The following C20orf202 variants were observed in gnomAD, a reference collection of about 807,000 sequenced individuals.
C20orf202 encodes the protein chromosome 20 open reading frame 202, also known as uncharacterized protein C20orf202.
In C20orf202, 5 loss-of-function variants were observed where a neutral mutation model predicts 5.3. The observed-to-expected ratio is 0.94, with a 90% CI of 0.49 to 1.98. The LOEUF is 1.98. Among genes scored for constraint, C20orf202 ranks in the 30% most tolerant of loss-of-function variants. C20orf202 has a pLI of 0.01. For missense variants in C20orf202, 135 were observed against 123.5 expected (o/e 1.09, Z -0.44); for synonymous variants, 48 against 50.0 (o/e 0.96, Z 0.16).
Position 1,203,471 on chromosome 20 carries a change from C to A in C20orf202, c.-115C>A. ...TTCCTGCTCTCATTAACTCCATCTT[C>A]AGTGATTTGGCCAGAACCTGCTGCC... is the stretch of plus-strand genomic sequence containing the variant. On this transcript the variant is annotated 5_prime_UTR_variant, in exon 1 of 2. Transcript: ENST00000400633. The A allele has an allele frequency of 6.7e-7, 1 of 1,489,532 alleles. No homozygotes were observed. The highest frequency in any genetic ancestry group is 8.9e-7 in the Non-Finnish European group (1 of 1,117,990). 92.3% of individuals were successfully genotyped at this position (1,489,532 alleles called of 1,614,324 possible). A position where few individuals can be genotyped will look rare whatever the true frequency, so the allele number is the denominator to read the frequency against.
chr20:1,205,943 C>G (rs1246272296), intron 1 of C20orf202, among the ~76,000 whole-genome samples: 1 of 151,994 alleles, frequency 6.6e-6, no homozygotes. Context: ...GTCCCAGCTA[C>G]TCGGGAGGCT....
Position 1,203,603 on chromosome 20 carries a change from G to A in C20orf202, c.18G>A (p.Glu6=). The change falls in exon 1 of 2, where the codon GAG becomes GAA. Residue 6 remains glutamate, a synonymous_variant. Transcript: ENST00000400633. MKIAE[E]PSPSLGQTLE... ...ACACTGAGATGAAAATAGCAGAAGAGCCCAGCCCGAGTCTTGGGCAGACCT... is the reference window on the plus strand; with the variant it reads ...ACACTGAGATGAAAATAGCAGAAGAACCCAGCCCGAGTCTTGGGCAGACCT... 6.4e-7 allele frequency: 1 copy of A among 1,551,582 alleles called. No homozygotes were observed.
chr20:1,207,108 C>T lies in C20orf202; in HGVS notation c.*6C>T, dbSNP rs80125338. On this transcript the variant is annotated 3_prime_UTR_variant, in exon 2 of 2. Transcript: ENST00000400633. The stretch of plus-strand genomic sequence containing the variant: ...GACGAAGCTCTCTCCCTTAACTGGA[C>T]GGAGATGACACTGGGCTTTAACACT... 5.5e-6 allele frequency: 8 copies of T among 1,464,812 alleles called. No individual in the cohort carries two copies. The African/African-American group carries it at 8.5e-5, about 15-fold the overall frequency. 90.7% of individuals were successfully genotyped at this position (1,464,812 alleles called of 1,614,324 possible).
At position 1,208,923 on chromosome 20, in the gene C20orf202, G is replaced by A. The variant is rs577755375; in HGVS notation, c.*1821G>A. ...CTCCTGTAAGTTTTAAAGTTTGATA[G>A]TTTCTGCCTCTTTTCTTTGTTCCCT... On this transcript the variant is annotated 3_prime_UTR_variant, in exon 2 of 2. Coordinates refer to ENST00000400633, the MANE Select transcript of C20orf202 (RefSeq NM_001394958.1). 6.6e-6 allele frequency among the ~76,000 whole-genome samples: 1 copy of A among 152,274 alleles called. No homozygotes were observed. Among genetic ancestry groups the A allele is most frequent in the Non-Finnish European group, 1.5e-5 (1 of 68,026 alleles).
chr20:1,203,788 AC>A, intron 1 of C20orf202, 137 bp downstream of exon 1: 2 of 962,554 alleles, frequency 2.1e-6, no homozygotes, highest in Non-Finnish European at 3.0e-6. Context: ...TCTGGGACCT[AC>A]CACACAATGC....
chr20:1,206,836 C>T (rs779964866), intron 1 of C20orf202, 33 bp from the exon 2 acceptor site: 28 of 1,396,390 alleles, frequency 2.0e-5, no homozygotes, highest in Middle Eastern at 2.6e-4. Flanking sequence ...CAGGGCTCCA[C>T]GCATCCCCTC....
chr20:1,205,546 A>C (rs1266069282), intron 1 of C20orf202, among the ~76,000 whole-genome samples: 1 of 152,218 alleles, frequency 6.6e-6, no homozygotes, highest in Non-Finnish European at 1.5e-5. Flanking sequence ...AATAATGTTC[A>C]TAAGTATCTC....
chr20:1,204,633 G>C (rs961793496), intron 1 of C20orf202, among the ~76,000 whole-genome samples: 1 of 152,226 alleles, frequency 6.6e-6, no homozygotes, highest in Admixed American at 6.5e-5. Flanking sequence ...CTCAGAAGAG[G>C]TTTGTTTCTC....
rs1278889021 is a variant in C20orf202, at chr20:1,203,647, A to G, written c.62A>G (p.Glu21Gly). The change falls in exon 1 of 2, where the codon GAG becomes GGG. Residue 21 changes from glutamate (E) to glycine (G), a missense_variant. Transcript: ENST00000400633. The stretch of plus-strand genomic sequence containing the variant: ...CAGACCTTGGAGTGGCTGAGAAAGG[A>G]GCTGGTAAGGTTTTGCATTGCTTTT... ...LGQTLEWLRK[E>G]LSEMQIQDQS... is the part of the protein sequence containing the mutation. 1.4e-5 allele frequency: 22 copies of G among 1,544,128 alleles called. No individual in the cohort carries two copies. Among genetic ancestry groups the G allele is most frequent in the Non-Finnish European group, 1.9e-5 (22 of 1,145,060 alleles).
rs2087138146 is a variant in C20orf202, at chr20:1,207,590, C to T, written c.*488C>T. On this transcript the variant is annotated 3_prime_UTR_variant, in exon 2 of 2. Transcript: ENST00000400633. ...TATTAGGCCCTGTAACCACCCTGGCCATAGGCATGGGTATATTACCAGGCC... is the reference window on the plus strand; with the variant it reads ...TATTAGGCCCTGTAACCACCCTGGCTATAGGCATGGGTATATTACCAGGCC... 1 of 152,434 alleles carries T rather than the reference C, an allele frequency of 6.6e-6. No homozygotes were observed. The highest frequency in any genetic ancestry group is 2.4e-5 in the African/African-American group (1 of 41,450). 9.4% of individuals were successfully genotyped at this position (152,434 alleles called of 1,614,324 possible).
In C20orf202 at chr20:1,203,538, C is replaced by T. The variant is rs973174047; in HGVS notation, c.-48C>T. On this transcript the variant is annotated 5_prime_UTR_variant, in exon 1 of 2. Transcript: ENST00000400633. ...GGGAATGTACAAGTCAAAGATCCCTCGGGCCCAGAACCAGGTCAGTGTCAA... is the reference window on the plus strand; with the variant it reads ...GGGAATGTACAAGTCAAAGATCCCTTGGGCCCAGAACCAGGTCAGTGTCAA... The T allele has an allele frequency of 3.5e-5, 55 of 1,549,944 alleles. No homozygotes were observed. Among genetic ancestry groups the T allele is most frequent in the Non-Finnish European group, 4.0e-5 (46 of 1,146,334 alleles).
intron 1 of C20orf202, among the ~76,000 whole-genome samples, chr20:1,205,530 T>C (rs1320421270): frequency 6.6e-6 from 1 of 152,122 alleles, no homozygotes; most frequent in African/African-American, 2.4e-5. Context: ...CTATTTTTAG[T>C]GGGGAAATAA....
rs185116681 is a variant in C20orf202, at chr20:1,207,096, C to G, written c.294C>G (p.Leu98=). The change falls in exon 2 of 2, where the codon CTC becomes CTG. Residue 98 remains leucine (L), a synonymous_variant. Coordinates refer to ENST00000400633, the MANE Select transcript of C20orf202 (RefSeq NM_001394958.1). ...LRGEDSRRSS[L]P Reference sequence around the variant, plus strand: ...GGGAAGACAGCAGACGAAGCTCTCTCCCTTAACTGGACGGAGATGACACTG... The same window carrying G: ...GGGAAGACAGCAGACGAAGCTCTCTGCCTTAACTGGACGGAGATGACACTG... 8.4e-4 allele frequency: 1,250 copies of G among 1,491,036 alleles called. 2 individuals are homozygous for G. Among genetic ancestry groups the G allele is most frequent in the Non-Finnish European group, 9.5e-4 (1,060 of 1,111,006 alleles). The allele number at this position is 1,491,036 out of a possible 1,614,324, so 92.4% of individuals were successfully genotyped here. A position where few individuals can be genotyped will look rare whatever the true frequency, so the allele number is the denominator to read the frequency against.
At position 1,207,557 on chromosome 20, in the gene C20orf202, T is replaced by C. The variant is rs1256245702; in HGVS notation, c.*455T>C. ...GGAAGCCTTCCCATTCCCCTTCATC[T>C]GATAACATATTAGGCCCTGTAACCA... On this transcript the variant is annotated 3_prime_UTR_variant, in exon 2 of 2. Transcript: ENST00000400633. 6.5e-6 allele frequency: 1 copy of C among 153,350 alleles called. No homozygotes were observed. The allele number at this position is 153,350 out of a possible 1,614,324, so 9.5% of individuals were successfully genotyped here.
chr20:1,206,009 C>T (rs1319910382), intron 1 of C20orf202, among the ~76,000 whole-genome samples: 3 of 151,762 alleles, frequency 2.0e-5, no homozygotes, highest in Non-Finnish European at 2.9e-5. Flanking sequence ...GCCGTTATTG[C>T]ACCACTGCAC....
rs932017153 is a variant in C20orf202, at chr20:1,207,622, A to G, written c.*520A>G. On this transcript the variant is annotated 3_prime_UTR_variant, in exon 2 of 2. Coordinates refer to ENST00000400633, the MANE Select transcript of C20orf202 (RefSeq NM_001394958.1). ...ATGGGTATATTACCAGGCCTGGCCA[A>G]TGATATAATTCATGGTTGCCCTAAA... 2 of 152,388 alleles carry G rather than the reference A, an allele frequency of 1.3e-5. No individual in the cohort carries two copies. Among genetic ancestry groups the G allele is most frequent in the Admixed American group, 6.5e-5 (1 of 15,302 alleles). 9.4% of individuals were successfully genotyped at this position (152,388 alleles called of 1,614,324 possible).
At position 1,208,300 on chromosome 20, in the gene C20orf202, T is replaced by C. The variant is rs1245322231; in HGVS notation, c.*1198T>C. 1 of 152,220 alleles carries C rather than the reference T, an allele frequency of 6.6e-6. No individual in the cohort carries two copies. The highest frequency in any genetic ancestry group is 1.5e-5 in the Non-Finnish European group (1 of 68,040). The allele number at this position is 152,220 out of a possible 1,614,324, so 9.4% of individuals were successfully genotyped here. A position where few individuals can be genotyped will look rare whatever the true frequency, so the allele number is the denominator to read the frequency against. On this transcript the variant is annotated 3_prime_UTR_variant, in exon 2 of 2. Coordinates refer to ENST00000400633, the MANE Select transcript of C20orf202 (RefSeq NM_001394958.1). ...GATGGTCTGATGATCGGTAGCCCTT[T>C]TTGTTTTTGAAAATCTACCTGTATG...
chr20:1,207,066 C>T lies in C20orf202; in HGVS notation c.264C>T (p.Leu88=). The T allele has an allele frequency of 1.3e-6, 2 of 1,528,386 alleles. No individual in the cohort carries two copies. The highest frequency in any genetic ancestry group is 1.8e-6 in the Non-Finnish European group (2 of 1,131,738). 94.7% of individuals were successfully genotyped at this position (1,528,386 alleles called of 1,614,324 possible). A position where few individuals can be genotyped will look rare whatever the true frequency, so the allele number is the denominator to read the frequency against. Reference sequence around the variant, plus strand: ...GCTCAAGGGGTCTGGCCCAGCTCCTCCGAGGGGAAGACAGCAGACGAAGCT... The same window carrying T: ...GCTCAAGGGGTCTGGCCCAGCTCCTTCGAGGGGAAGACAGCAGACGAAGCT... ...PVCSRGLAQL[L]RGEDSRRSSL... is the part of the protein sequence containing the mutation. The change falls in exon 2 of 2, where the codon CTC becomes CTT. Residue 88 remains leucine, a synonymous_variant. Coordinates refer to ENST00000400633, the MANE Select transcript of C20orf202 (RefSeq NM_001394958.1).
In C20orf202 at chr20:1,207,016, G is replaced by C; in HGVS notation, c.214G>C (p.Glu72Gln). Residue 72 changes from glutamate to glutamine, a missense_variant, in exon 2 of 2, where the codon GAA (glutamate) becomes CAA (glutamine). Physicochemically the swap from Glu to Gln is conservative, Grantham distance 29 (BLOSUM62 2). Transcript: ENST00000400633. Reference protein sequence around the residue: ...TSPIRARAGSEGRGCQPVCSR... With the variant: ...TSPIRARAGSQGRGCQPVCSR... ...CCCCATCAGAGCTCGAGCGGGCTCC[G>C]AAGGCAGGGGCTGCCAGCCGGTTTG... 1 of 1,550,504 alleles carries C rather than the reference G, an allele frequency of 6.4e-7. No individual in the cohort carries two copies. The highest frequency in any genetic ancestry group is 8.7e-7 in the Non-Finnish European group (1 of 1,146,146).
Sources: gnomAD v4.1 joint callset for allele counts (sites outside exome capture counted in the v4.1 genomes callset) on GRCh38, gnomAD v4.1.1 for gene constraint, MANE v1.5 for transcripts, NCBI Gene and HGNC (gene_info 2026-07-23, HGNC 2026-07-21) for gene names.